Variants in EMC3 observed in about 807,000 individuals in gnomAD.
The protein encoded by EMC3 is ER membrane protein complex subunit 3.
EMC3 carries 13 observed loss-of-function variants against 36.6 expected under a neutral mutation model. The observed-to-expected ratio is 0.35, with a 90% CI of 0.23 to 0.56. The LOEUF is 0.56. Ranked by LOEUF, EMC3 falls within the 20% of genes least tolerant of loss-of-function variation. The pLI is 0.84. For synonymous variants in EMC3, 120 were observed against 111.9 expected, an observed-to-expected ratio of 1.07 and a Z score of -0.46; for missense variants, 220 against 324.5, an observed-to-expected ratio of 0.68 and a Z score of 2.47.
In EMC3 at chr3:9,992,908, A is replaced by G. The variant is rs1190737247; in HGVS notation, c.-241-6006T>C. The stretch of plus-strand genomic sequence containing the variant: ...ATGCTTTTCATCATCTATAGCACCA[A>G]TACTCAGACAAAGAAGTACATTGAA... On this transcript the variant is annotated intron_variant, in intron 1 of 8. Coordinates refer to the EMC3 transcript ENST00000470827. 9 of 1,608,088 alleles carry G rather than the reference A, an allele frequency of 5.6e-6. No homozygotes were observed. In the East Asian group the frequency reaches 1.3e-4, roughly 24 times the overall value.
chr3:9,970,346 G>A (rs897963338), intron 6 of EMC3, among the ~76,000 whole-genome samples: 1 of 152,092 alleles, frequency 6.6e-6, no homozygotes, highest in African/African-American at 2.4e-5. Context: ...CTCACATGAT[G>A]GTATCAGACT....
At chr3:10,005,536 C>G (rs1301507676) in intron 1 of EMC3, among the ~76,000 whole-genome samples, 4 of 152,250 alleles carry the variant, frequency 2.6e-5, no homozygotes, top group African/African-American at 7.2e-5. Context: ...CTCCAAACTT[C>G]AAGAAAAAAT....
At chr3:9,989,444 C>T (rs2086019353), upstream of EMC3, among the ~76,000 whole-genome samples, 1 of 152,182 alleles carries the variant, frequency 6.6e-6, no homozygotes. Context: ...TGCACTCCAG[C>T]CTGGGCGACA....
chr3:9,996,842 A>G (rs895120977), intron 1 of EMC3, among the ~76,000 whole-genome samples: 5 of 152,158 alleles, frequency 3.3e-5, no homozygotes, highest in African/African-American at 9.7e-5. Flanking sequence ...CTCTTGTTCT[A>G]TATCATACCT....
At chr3:9,988,062 C>T (rs2086000251), upstream of EMC3, 1 of 621,698 alleles carries the variant, frequency 1.6e-6, no homozygotes, top group African/African-American at 1.8e-5. Context: ...TGTCACAGTT[C>T]TCTGACATCC....
intron 1 of EMC3, among the ~76,000 whole-genome samples, chr3:9,984,841 C>T (rs1338551035): frequency 6.6e-6 from 1 of 152,176 alleles, no homozygotes; most frequent in Non-Finnish European, 1.5e-5. Flanking sequence ...TAAATGTCAC[C>T]CTGTGTGACG....
At chr3:9,966,486 G>A (rs1490831029) in intron 7 of EMC3, among the ~76,000 whole-genome samples, 1 of 152,060 alleles carries the variant, frequency 6.6e-6, no homozygotes, top group African/African-American at 2.4e-5. Flanking sequence ...CTCCCAAAGT[G>A]CTGGGATTAC....
intron 1 of EMC3, among the ~76,000 whole-genome samples, chr3:9,997,177 A>G (rs1309369744): frequency 6.6e-6 from 1 of 151,914 alleles, no homozygotes; most frequent in East Asian, 1.9e-4. Context: ...AATCATAACA[A>G]TATGTATCCT....
chr3:10,007,747 A>G, intron 1 of EMC3: 1 of 997,138 alleles, frequency 1.0e-6, no homozygotes. Flanking sequence ...AGCACCCATC[A>G]AGGAGCTTCC....
At chr3:9,994,640 G>C (rs1172034365) in intron 1 of EMC3, among the ~76,000 whole-genome samples, 1 of 151,668 alleles carries the variant, frequency 6.6e-6, no homozygotes, top group African/African-American at 2.4e-5. Flanking sequence ...GCGCAATCTC[G>C]GCTCACTGCA....
At chr3:10,002,097 A>T (rs2086208402) in intron 1 of EMC3, among the ~76,000 whole-genome samples, 2 of 152,066 alleles carry the variant, frequency 1.3e-5, no homozygotes, top group Admixed American at 1.3e-4. Context: ...TTGAAATTCC[A>T]TGTGAATTTT....
intron 1 of EMC3, among the ~76,000 whole-genome samples, chr3:9,992,325 C>T (rs752055326): frequency 1.3e-5 from 2 of 151,926 alleles, no homozygotes; most frequent in African/African-American, 4.8e-5. Flanking sequence ...GGGGTTTCAC[C>T]GTGTTGGCCA....
intron 1 of EMC3, among the ~76,000 whole-genome samples, chr3:9,995,673 G>A (rs2086114360): frequency 6.6e-6 from 1 of 151,934 alleles, no homozygotes; most frequent in Non-Finnish European, 1.5e-5. Flanking sequence ...GTCTAGCTCT[G>A]TCACCTAGAC....
chr3:9,972,759 C>T (rs891766056), intron 5 of EMC3, among the ~76,000 whole-genome samples: 12 of 150,028 alleles, frequency 8.0e-5, no homozygotes, highest in Admixed American at 1.3e-4. Context: ...AGTGAGACTC[C>T]GTCTTGAAAA....
At chr3:9,989,477 A>G (rs1165242587), upstream of EMC3, among the ~76,000 whole-genome samples, 2 of 152,220 alleles carry the variant, frequency 1.3e-5, no homozygotes, top group African/African-American at 4.8e-5. Context: ...ATCTCAAAAG[A>G]TAAAAAGCCA....
rs1362510622 is a variant in EMC3, at chr3:9,974,453, C to T, written c.343G>A (p.Val115Ile). ...AGAATCATAGGGAGGACATTTGTTA[C>T]ATTCCCTTTCATCATGTCTGTCAAC... The part of the protein sequence containing the change: ...TMLTDMMKGN[V>I]TNVLPMILIG... Residue 115 changes from valine to isoleucine, a missense_variant, in exon 4 of 8, where the codon GTA (valine) becomes ATA (isoleucine). By Grantham distance (29) the Val-to-Ile change is conservative. Around this residue, in one of 3 missense-constraint regions of EMC3, gnomAD observed 127 missense variants for 174.6 expected, o/e 0.73. Transcript: ENST00000245046. 7.4e-6 allele frequency: 12 copies of T among 1,613,286 alleles called. No individual in the cohort carries two copies. Among genetic ancestry groups the T allele is most frequent in the South Asian group, 1.1e-5 (1 of 91,072 alleles).
intron 1 of EMC3, among the ~76,000 whole-genome samples, chr3:10,007,815 C>A (rs181846566): frequency 4.6e-5 from 7 of 152,108 alleles, no homozygotes; most frequent in Non-Finnish European, 7.4e-5. Context: ...TGTGCATGGC[C>A]GGCATCTGAG....
rs1416294858 is a variant in EMC3, at chr3:9,969,557, A to G, written c.657+162T>C. The stretch of plus-strand genomic sequence containing the variant: ...AGAATTTCCATTTACTTAATAGATG[A>G]TTCTGTCTCAGGAAAGAGAGACGTG... On this transcript the variant is annotated intron_variant, in intron 7 of 7. Coordinates refer to ENST00000245046, the MANE Select transcript of EMC3 (RefSeq NM_001394674.1). The G allele has an allele frequency of 2.0e-6, 3 of 1,513,854 alleles. No individual in the cohort carries two copies. In the Admixed American group the frequency reaches 6.2e-5, roughly 31 times the overall value. 93.8% of individuals were successfully genotyped at this position (1,513,854 alleles called of 1,614,324 possible).
intron 7 of EMC3, chr3:9,969,304 A>AT: frequency 1.8e-6 from 2 of 1,107,920 alleles, no homozygotes; most frequent in South Asian, 2.0e-5. Flanking sequence ...ACACAGTGAG[A>AT]TTTTGTCCCA....
Sources: allele counts gnomAD v4.1 joint callset (sites outside exome capture counted in the v4.1 genomes callset), GRCh38; gene constraint gnomAD v4.1.1; regional missense constraint gnomAD v4.1.1; transcripts MANE v1.5; gene names NCBI Gene and HGNC (gene_info 2026-07-23, HGNC 2026-07-21).